WWC1: variants seen among roughly 807,000 people sequenced by gnomAD.
The protein encoded by WWC1 is protein KIBRA.
A neutral mutation model predicts 138.4 loss-of-function variants in WWC1; 55 were observed. That is an observed-to-expected ratio of 0.40 (90% CI 0.32 to 0.50). WWC1 has a LOEUF of 0.50. Among genes scored for constraint, WWC1 ranks in the 20% least tolerant of loss-of-function variants. The pLI, the probability that WWC1 is intolerant of heterozygous loss-of-function variation, is 0.72. For missense variants in WWC1, 1,226 were observed against 1,420.4 expected, an observed-to-expected ratio of 0.86 and a Z score of 2.20; for synonymous variants, 524 against 564.9, an observed-to-expected ratio of 0.93 and a Z score of 1.03.
chr5:168,370,842 C>T (rs1010928186), intron 1 of WWC1, among the ~76,000 whole-genome samples: 6 of 152,152 alleles, frequency 3.9e-5, no homozygotes, highest in Non-Finnish European at 7.3e-5. Flanking sequence ...TCTAAGGAAG[C>T]GCCATTGTGG....
intron 1 of WWC1, among the ~76,000 whole-genome samples, chr5:168,315,170 A>G (rs897332679): frequency 1.5e-5 from 2 of 132,150 alleles, no homozygotes; most frequent in African/African-American, 5.2e-5. Context: ...CAAAGCCACA[A>G]ATAACTTTTT....
At chr5:168,302,648 T>A (rs146203479) in intron 1 of WWC1, among the ~76,000 whole-genome samples, 2 of 152,092 alleles carry the variant, frequency 1.3e-5, no homozygotes, top group Non-Finnish European at 2.9e-5. Flanking sequence ...CTCGTAGAAT[T>A]TACTACAAAT....
chr5:168,340,644 T>C (rs1773967237), intron 1 of WWC1, among the ~76,000 whole-genome samples: 1 of 152,226 alleles, frequency 6.6e-6, no homozygotes, highest in Admixed American at 6.5e-5. Context: ...CTTTCATCCA[T>C]GTTGAGGCAT....
chr5:168,450,963 C>T (rs4976555), intron 17 of WWC1, among the ~76,000 whole-genome samples: 122,123 of 152,016 alleles, frequency 0.8, 49,589 homozygotes, highest in African/African-American at 0.92. Flanking sequence ...CGCAAATATA[C>T]TAAGATTTCT....
intron 1 of WWC1, among the ~76,000 whole-genome samples, chr5:168,347,566 C>G (rs987740455): frequency 6.6e-6 from 1 of 152,186 alleles, no homozygotes; most frequent in African/African-American, 2.4e-5. Flanking sequence ...GAACTGAAAC[C>G]CTGTTTCTGT....
At chr5:168,303,845 TC>T (rs1162605669) in intron 1 of WWC1, among the ~76,000 whole-genome samples, 3 of 151,972 alleles carry the variant, frequency 2.0e-5, no homozygotes, top group African/African-American at 7.3e-5. Context: ...CTACTTCAAC[TC>T]CAGGAAGTGC....
chr5:168,358,721 T>C (rs1030798513), intron 1 of WWC1, among the ~76,000 whole-genome samples: 41 of 152,282 alleles, frequency 2.7e-4, no homozygotes, highest in African/African-American at 8.2e-4. Flanking sequence ...ACAACTTTAT[T>C]GAGGAATTTT....
intron 1 of WWC1, among the ~76,000 whole-genome samples, chr5:168,362,069 G>A (rs145403695): frequency 1.5e-3 from 230 of 152,238 alleles, no homozygotes; most frequent in African/African-American, 5.3e-3. Context: ...GGCAACAAGA[G>A]TGAAACTCCA....
intron 15 of WWC1, among the ~76,000 whole-genome samples, chr5:168,436,968 C>T (rs1174074928): frequency 6.6e-6 from 1 of 152,234 alleles, no homozygotes; most frequent in East Asian, 1.9e-4. Flanking sequence ...CTAGAGTCAA[C>T]ACCTGTGTCC....
At chr5:168,293,005 CTCTT>C (rs1413617396) in intron 1 of WWC1, among the ~76,000 whole-genome samples, 1 of 152,194 alleles carries the variant, frequency 6.6e-6, no homozygotes, top group Non-Finnish European at 1.5e-5. Flanking sequence ...TCTTTCTCCT[CTCTT>C]TCTTCCCTGA....
chr5:168,409,856 C>T, intron 7 of WWC1, 66 bp from the exon 8 acceptor site: 6 of 1,565,272 alleles, frequency 3.8e-6, no homozygotes, highest in Non-Finnish European at 5.3e-6. Context: ...CTCATGAGCC[C>T]TCGAAACCCA....
intron 7 of WWC1, among the ~76,000 whole-genome samples, chr5:168,409,331 G>A (rs531582239): frequency 3.3e-5 from 5 of 152,318 alleles, no homozygotes; most frequent in East Asian, 1.9e-4. Flanking sequence ...AAGGGTGACC[G>A]GTGAGCCTTG....
In WWC1 at chr5:168,408,647, G is replaced by A. The variant is rs116579086; in HGVS notation, c.861G>A (p.Ser287=). ...YLDVSSQTDI[S]GSFGINSNNQ... The stretch of plus-strand genomic sequence containing the variant: ...ATGTGAGCTCCCAGACAGACATCTC[G>A]GGAAGCGTGAGTAGACGGGGCAGGT... Residue 287 remains serine (S), a synonymous_variant, in exon 7 of 23, where the codon TCG becomes TCA. Transcript: ENST00000265293. 530 of 1,614,098 alleles carry A rather than the reference G, an allele frequency of 3.3e-4. 4 individuals are homozygous for A. The African/African-American group carries it at 5.5e-3, about 17-fold the overall frequency.
intron 1 of WWC1, among the ~76,000 whole-genome samples, chr5:168,295,921 G>A (rs186521888): frequency 6.6e-6 from 1 of 152,270 alleles, no homozygotes; most frequent in African/African-American, 2.4e-5. Context: ...CCTGCCCACT[G>A]GGCCAAAGGC....
intron 1 of WWC1, among the ~76,000 whole-genome samples, chr5:168,346,059 A>G (rs1774444171): frequency 6.6e-6 from 1 of 152,094 alleles, no homozygotes; most frequent in Non-Finnish European, 1.5e-5. Flanking sequence ...CCATTTCATA[A>G]CAGAATCAGA....
intron 21 of WWC1, among the ~76,000 whole-genome samples, chr5:168,466,429 A>G (rs1176690397): frequency 6.6e-6 from 1 of 152,234 alleles, no homozygotes; most frequent in East Asian, 1.9e-4. Context: ...GCACACAGCC[A>G]GCCTTGCTGA....
intron 10 of WWC1, among the ~76,000 whole-genome samples, chr5:168,422,343 A>G (rs1781154310): frequency 6.6e-6 from 1 of 152,030 alleles, no homozygotes. Context: ...GTCTTAAGAG[A>G]CTCGGCTGGG....
chr5:168,337,788 G>A (rs1223340617), intron 1 of WWC1, among the ~76,000 whole-genome samples: 1 of 152,146 alleles, frequency 6.6e-6, no homozygotes, highest in East Asian at 1.9e-4. Flanking sequence ...ATAAATGAGG[G>A]GACCTCACTA....
At chr5:168,403,014 CT>C (rs1261298437) in intron 5 of WWC1, among the ~76,000 whole-genome samples, 1 of 70,780 alleles carries the variant, frequency 1.4e-5, no homozygotes, top group Non-Finnish European at 3.0e-5. Context: ...CTTTTTCTTT[CT>C]TTCTTTCTTT....
Sources: gnomAD v4.1 joint callset for allele counts (sites outside exome capture counted in the v4.1 genomes callset) on GRCh38, gnomAD v4.1.1 for gene constraint, MANE v1.5 for transcripts, NCBI Gene and HGNC (gene_info 2026-07-23, HGNC 2026-07-21) for gene names.